RBFOX1: variants seen among roughly 807,000 people sequenced by gnomAD.
The protein encoded by RBFOX1 is RNA binding fox-1 homolog 1, also known as RNA binding protein fox-1 homolog 1.
RBFOX1 carries 8 observed loss-of-function variants against 57.7 expected under a neutral mutation model. The observed-to-expected ratio is 0.14, with a 90% confidence interval of 0.08 to 0.25. RBFOX1 has a LOEUF of 0.25. RBFOX1 is among the 10% of genes least tolerant of loss of function. The pLI is 1.00. For missense variants in RBFOX1, 611 were observed against 548.5 expected (o/e 1.11, Z -1.14); for synonymous variants, 326 against 222.4 (o/e 1.47, Z -4.15).
In RBFOX1 at chr16:6,869,712, C is replaced by G. The variant is rs150293839; in HGVS notation, c.-15-182345C>G. Among the ~76,000 whole-genome samples the G allele has an allele frequency of 6.2e-3, 937 of 152,234 alleles. 14 individuals are homozygous for G. Among genetic ancestry groups the G allele is most frequent in the African/African-American group, 0.021 (887 of 41,526 alleles). The stretch of plus-strand genomic sequence containing the variant: ...CACACATTCATGCAGTTGGCAAAGC[C>G]ATGTGACTCTAGAGAACCGTGTTGA... On this transcript the variant is annotated intron_variant, in intron 3 of 15. Coordinates refer to ENST00000550418, the MANE Select transcript of RBFOX1 (RefSeq NM_018723.4).
At chr16:5,368,348 A>T (rs958624340) in intron 1 of RBFOX1, among the ~76,000 whole-genome samples, 8 of 152,190 alleles carry the variant, frequency 5.3e-5, no homozygotes, top group African/African-American at 1.9e-4. Flanking sequence ...CTACTGCAAT[A>T]TTAATGTTGA....
chr16:6,270,677 C>G (rs1294433711), intron 1 of RBFOX1, among the ~76,000 whole-genome samples: 3 of 152,116 alleles, frequency 2.0e-5, no homozygotes, highest in African/African-American at 7.2e-5. Flanking sequence ...GAAAACTAGA[C>G]TGAAAATCAG....
At chr16:7,092,933 A>G (rs544622412) in intron 4 of RBFOX1, among the ~76,000 whole-genome samples, 1 of 152,036 alleles carries the variant, frequency 6.6e-6, no homozygotes, top group Admixed American at 6.5e-5. Context: ...TTTCCAAGTT[A>G]GTTGACGCAT....
At chr16:6,133,284 C>T (rs982633225) in intron 1 of RBFOX1, among the ~76,000 whole-genome samples, 10 of 152,174 alleles carry the variant, frequency 6.6e-5, no homozygotes, top group South Asian at 2.1e-4. Flanking sequence ...CTATCTTCCT[C>T]GCTTGCCTGA....
chr16:7,577,279 T>G (rs1315391321), intron 5 of RBFOX1, among the ~76,000 whole-genome samples: 2 of 152,208 alleles, frequency 1.3e-5, no homozygotes, highest in Admixed American at 1.3e-4. Context: ...GCTCAGACTC[T>G]TGCTTTGCAC....
At chr16:7,233,674 T>A (rs995684251) in intron 4 of RBFOX1, among the ~76,000 whole-genome samples, 1 of 152,228 alleles carries the variant, frequency 6.6e-6, no homozygotes, top group African/African-American at 2.4e-5. Context: ...AAATGCGACC[T>A]TAGCAAAAGA....
At chr16:5,576,455 A>G (rs2046460274) in intron 2 of RBFOX1, among the ~76,000 whole-genome samples, 2 of 152,256 alleles carry the variant, frequency 1.3e-5, no homozygotes, top group South Asian at 4.2e-4. Context: ...CCTCCCACCA[A>G]CCTAAGAGTG....
intron 3 of RBFOX1, among the ~76,000 whole-genome samples, chr16:6,772,660 A>AAG (rs2078518640): frequency 1.2e-5 from 1 of 83,932 alleles, no homozygotes; most frequent in African/African-American, 5.4e-5. Flanking sequence ...GTGTGTGTGT[A>AAG]TGTGGACTTT....
chr16:7,664,266 G>T (rs2068590492), intron 12 of RBFOX1, among the ~76,000 whole-genome samples: 1 of 152,118 alleles, frequency 6.6e-6, no homozygotes, highest in Non-Finnish European at 1.5e-5. Context: ...CAATGCACTT[G>T]TACACATGAA....
At chr16:7,540,075 C>G (rs768142440) in intron 5 of RBFOX1, among the ~76,000 whole-genome samples, 3 of 152,210 alleles carry the variant, frequency 2.0e-5, no homozygotes, top group African/African-American at 4.8e-5. Context: ...GTCATTATTG[C>G]TACTGCTTTG....
chr16:5,660,321 C>T (rs1485488887), intron 3 of RBFOX1, among the ~76,000 whole-genome samples: 3 of 152,126 alleles, frequency 2.0e-5, no homozygotes, highest in African/African-American at 4.8e-5. Context: ...AGGTCCTCCT[C>T]ATTGCACTCT....
rs146948647 is a variant in RBFOX1 at position 5,620,083 on chromosome 16, G to T, written c.318+21122G>T. 1.1e-3 allele frequency among the ~76,000 whole-genome samples: 162 copies of T among 151,924 alleles called. 2 individuals are homozygous for T. Among genetic ancestry groups the T allele is most frequent in the Middle Eastern group, 6.8e-3 (2 of 294 alleles). ...TGGCGCCTACTGTTTCATTGGCCTC[G>T]CTTACTTTCCTAGTTCAGCAGAAAG... On this transcript the variant is annotated intron_variant, in intron 3 of 19. Coordinates refer to the RBFOX1 transcript ENST00000641259.
intron 3 of RBFOX1, among the ~76,000 whole-genome samples, chr16:7,001,995 T>G (rs557820028): frequency 6.6e-6 from 1 of 152,122 alleles, no homozygotes; most frequent in Non-Finnish European, 1.5e-5. Context: ...TCCTGGTGTT[T>G]AGAGTGACAG....
At chr16:7,191,171 G>C (rs1238112420) in intron 4 of RBFOX1, among the ~76,000 whole-genome samples, 1 of 152,012 alleles carries the variant, frequency 6.6e-6, no homozygotes, top group Non-Finnish European at 1.5e-5. Flanking sequence ...TCTTCCAAAG[G>C]AAACCCCTTT....
At chr16:7,194,929 CA>C (rs59919051) in intron 4 of RBFOX1, among the ~76,000 whole-genome samples, 13 of 134,166 alleles carry the variant, frequency 9.7e-5, no homozygotes, top group Admixed American at 7.7e-5. Context: ...CCCTGTTTCA[CA>C]AAAAAAAAAA....
chr16:6,823,342 C>T (rs1386776761), intron 3 of RBFOX1, among the ~76,000 whole-genome samples: 2 of 151,974 alleles, frequency 1.3e-5, no homozygotes, highest in African/African-American at 2.4e-5. Flanking sequence ...CTGCAACCTC[C>T]ACCTCTTGGA....
chr16:5,318,197 C>T (rs1475135177), intron 1 of RBFOX1, among the ~76,000 whole-genome samples: 1 of 152,092 alleles, frequency 6.6e-6, no homozygotes, highest in Admixed American at 6.5e-5. Context: ...GACACGATCT[C>T]GGCTCACTGC....
At chr16:7,494,412 C>G (rs574087488) in intron 4 of RBFOX1, among the ~76,000 whole-genome samples, 1 of 152,290 alleles carries the variant, frequency 6.6e-6, no homozygotes, top group African/African-American at 2.4e-5. Flanking sequence ...CACACTCCTT[C>G]TCTGCTCCCT....
chr16:5,403,349 C>CAAAAAAAAA (rs767830099), intron 1 of RBFOX1, among the ~76,000 whole-genome samples: 4 of 82,246 alleles, frequency 4.9e-5, no homozygotes, highest in East Asian at 3.8e-4. Context: ...AACGCTGTCT[C>CAAAAAAAAA]AAAAAAAAAA....
Sources: allele counts gnomAD v4.1 joint callset (sites outside exome capture counted in the v4.1 genomes callset), GRCh38; gene constraint gnomAD v4.1.1; transcripts MANE v1.5; gene names NCBI Gene and HGNC (gene_info 2026-07-23, HGNC 2026-07-21).